The following CFAP20DC variants were observed in gnomAD, a reference collection of about 807,000 sequenced individuals.
CFAP20DC encodes the protein CFAP20 domain containing, also known as protein CFAP20DC.
CFAP20DC carries 84 observed loss-of-function variants against 101.7 expected under a neutral mutation model. The ratio of observed to expected loss-of-function variants is 0.83; its 90% CI spans 0.69 to 0.99. The LOEUF (loss-of-function observed/expected upper bound fraction) is 0.99. Ranked by LOEUF, CFAP20DC falls within the 50% of genes least tolerant of loss-of-function variation. CFAP20DC has a pLI of 0.00. For missense variants in CFAP20DC, 1,007 were observed against 970.3 expected (o/e 1.04, Z -0.50); for synonymous variants, 359 against 351.2 (o/e 1.02, Z -0.25).
intron 14 of CFAP20DC, among the ~76,000 whole-genome samples, chr3:58,809,376 C>G (rs1388092431): frequency 6.6e-6 from 1 of 152,106 alleles, no homozygotes; most frequent in Non-Finnish European, 1.5e-5. Context: ...TGCAATCAAA[C>G]TAGAACTCAG....
intron 6 of CFAP20DC, among the ~76,000 whole-genome samples, chr3:58,902,652 T>C (rs1033259345): frequency 3.3e-5 from 5 of 152,162 alleles, no homozygotes; most frequent in Admixed American, 2.0e-4. Flanking sequence ...TTTTAAGAGT[T>C]CTTTATACAG....
chr3:58,832,407 C>T (rs1266437714), intron 13 of CFAP20DC, among the ~76,000 whole-genome samples: 1 of 152,036 alleles, frequency 6.6e-6, no homozygotes, highest in Non-Finnish European at 1.5e-5. Flanking sequence ...AGGTCTGGTG[C>T]CTAGTAGGTG....
chr3:58,865,858 A>G (rs2079645239), intron 11 of CFAP20DC, among the ~76,000 whole-genome samples: 2 of 152,206 alleles, frequency 1.3e-5, no homozygotes. Context: ...AACTAACTCT[A>G]ATTATCTCAC....
intron 13 of CFAP20DC, among the ~76,000 whole-genome samples, chr3:58,843,679 C>T (rs1249519007): frequency 1.1e-4 from 17 of 150,818 alleles, no homozygotes; most frequent in Admixed American, 3.3e-4. Context: ...AAAGATACTC[C>T]TCGAGAAGAG....
At chr3:58,921,918 T>C (rs1190820988) in intron 5 of CFAP20DC, among the ~76,000 whole-genome samples, 1 of 152,250 alleles carries the variant, frequency 6.6e-6, no homozygotes, top group Non-Finnish European at 1.5e-5. Flanking sequence ...TATATCTTCT[T>C]CATCATTTAA....
intron 12 of CFAP20DC, among the ~76,000 whole-genome samples, chr3:58,856,446 TTTGCAAATGTAACAA>T (rs1353951869): frequency 6.6e-6 from 1 of 152,150 alleles, no homozygotes; most frequent in African/African-American, 2.4e-5. Context: ...CGAAAATATT[TTTGCAAATGTAACAA>T]TCCCTGCATG....
chr3:58,899,284 T>G lies in CFAP20DC; in HGVS notation c.550+14424A>C, dbSNP rs1478691324. On this transcript the variant is annotated intron_variant, in intron 6 of 16. Coordinates refer to ENST00000482387, the MANE Select transcript of CFAP20DC (RefSeq NM_001394063.1). The surrounding 1 kb of genome is among the most constrained non-coding windows in gnomAD (Gnocchi z 5.0). Reference sequence around the variant, plus strand: ...TCTGGACTCTCCAGAGCTGGCAGGTTGGAACTGCTGAGTTGCCTAAACCAC... The same window carrying G: ...TCTGGACTCTCCAGAGCTGGCAGGTGGGAACTGCTGAGTTGCCTAAACCAC... Among the ~76,000 whole-genome samples, 1 of 152,236 alleles carries G rather than the reference T, an allele frequency of 6.6e-6. No homozygotes were observed. The highest frequency in any genetic ancestry group is 2.4e-5 in the African/African-American group (1 of 41,460).
At chr3:58,762,602 C>A (rs568195030) in intron 15 of CFAP20DC, among the ~76,000 whole-genome samples, 2 of 152,248 alleles carry the variant, frequency 1.3e-5, no homozygotes, top group African/African-American at 4.8e-5. Context: ...GATTATTTTG[C>A]TCGTTAGTTG....
chr3:58,960,230 T>C (rs1356476297), intron 4 of CFAP20DC, among the ~76,000 whole-genome samples: 5 of 152,112 alleles, frequency 3.3e-5, no homozygotes, highest in Admixed American at 3.3e-4. Context: ...TGGTGGCTCA[T>C]GCCTGTAATC....
intron 5 of CFAP20DC, among the ~76,000 whole-genome samples, chr3:58,926,064 A>G (rs2085929859): frequency 6.6e-6 from 1 of 152,074 alleles, no homozygotes; most frequent in South Asian, 2.1e-4. Context: ...AAGAAAAAAG[A>G]TATTTAAAAA....
At position 58,865,261 on chromosome 3, in the gene CFAP20DC, A is replaced by G. The variant is rs116297501; in HGVS notation, c.1258+1305T>C. Among the ~76,000 whole-genome samples, 281 of 152,320 alleles carry G rather than the reference A, an allele frequency of 1.8e-3. 2 individuals carry two copies. Among genetic ancestry groups the G allele is most frequent in the African/African-American group, 6.5e-3 (271 of 41,572 alleles). ...AAGATTTGCAACTCTAAAGCCTACA[A>G]TGCAAAAGCAAAAGCAAAAGAACCC... On this transcript the variant is annotated intron_variant, in intron 11 of 16. Transcript: ENST00000482387.
chr3:59,011,018 A>T (rs906596986), intron 4 of CFAP20DC, among the ~76,000 whole-genome samples: 4 of 152,358 alleles, frequency 2.6e-5, no homozygotes, highest in African/African-American at 9.6e-5. Flanking sequence ...CTGGACTATA[A>T]TAGTGGCACA....
intron 14 of CFAP20DC, among the ~76,000 whole-genome samples, chr3:58,815,234 C>T (rs1448490673): frequency 1.3e-5 from 2 of 151,370 alleles, no homozygotes; most frequent in Non-Finnish European, 2.9e-5. Flanking sequence ...CTTTGACAAA[C>T]CTGAGAAAAA....
chr3:58,939,119 C>T (rs1300141927), intron 4 of CFAP20DC, among the ~76,000 whole-genome samples: 1 of 152,158 alleles, frequency 6.6e-6, no homozygotes, highest in East Asian at 1.9e-4. Flanking sequence ...ACTTTCACCT[C>T]ATCCCCTTAA....
intron 4 of CFAP20DC, among the ~76,000 whole-genome samples, chr3:58,960,308 C>A (rs962649224): frequency 6.6e-5 from 10 of 151,220 alleles, no homozygotes; most frequent in Middle Eastern, 6.4e-3. Flanking sequence ...GCCTGACCAA[C>A]ATGGAGAAAC....
chr3:59,046,660 G>A (rs1321649027), intron 2 of CFAP20DC, among the ~76,000 whole-genome samples: 2 of 152,112 alleles, frequency 1.3e-5, no homozygotes, highest in Non-Finnish European at 2.9e-5. Flanking sequence ...AGGAAAAGTA[G>A]AACAGTCAAT....
intron 4 of CFAP20DC, among the ~76,000 whole-genome samples, chr3:58,987,333 A>G (rs1227829708): frequency 6.6e-6 from 1 of 152,116 alleles, no homozygotes. Context: ...AAAAATAAGA[A>G]TCATGTACTA....
At chr3:58,833,265 A>T (rs1251441055) in intron 13 of CFAP20DC, among the ~76,000 whole-genome samples, 1 of 152,206 alleles carries the variant, frequency 6.6e-6, no homozygotes, top group Admixed American at 6.6e-5. Flanking sequence ...TTCATGGCAC[A>T]AGCAGCTTGG....
intron 16 of CFAP20DC, among the ~76,000 whole-genome samples, chr3:58,748,588 G>A (rs939329359): frequency 6.6e-6 from 1 of 152,162 alleles, no homozygotes; most frequent in African/African-American, 2.4e-5. Flanking sequence ...CACAGGGGAA[G>A]GGGCGGGGTC....
Sources: allele counts gnomAD v4.1 joint callset (sites outside exome capture counted in the v4.1 genomes callset), GRCh38; gene constraint gnomAD v4.1.1; non-coding constraint Gnocchi (gnomAD v3.1); transcripts MANE v1.5; gene names NCBI Gene and HGNC (gene_info 2026-07-23, HGNC 2026-07-21).